NALF1: variants seen among roughly 807,000 people sequenced by gnomAD.
The protein encoded by NALF1 is family with sequence similarity 155 member A.
Under a neutral mutation model 48.4 loss-of-function variants are expected in NALF1, and 3 were observed. The observed-to-expected ratio is 0.06, with a 90% CI of 0.03 to 0.16. NALF1 has a LOEUF of 0.16. NALF1 is among the 10% of genes least tolerant of loss of function. The probability of loss-of-function intolerance (pLI) is 1.00; values close to 1 mark genes in which losing one functional copy is unlikely to be tolerated. For missense variants in NALF1, 526 were observed against 571.5 expected (o/e 0.92, Z 0.81); for synonymous variants, 262 against 245.7 (o/e 1.07, Z -0.62).
chr13:107,599,682 G>A (rs1249341336), intron 1 of NALF1, among the ~76,000 whole-genome samples: 1 of 152,068 alleles, frequency 6.6e-6, no homozygotes, highest in Non-Finnish European at 1.5e-5. Flanking sequence ...ACTATTTTAT[G>A]TTCTCTTGTT....
chr13:107,365,179 AT>A (rs1883133382), intron 1 of NALF1, among the ~76,000 whole-genome samples: 1 of 151,662 alleles, frequency 6.6e-6, no homozygotes, highest in African/African-American at 2.4e-5. Flanking sequence ...ACCAATGTGT[AT>A]GATGATGAAC....
intron 1 of NALF1, among the ~76,000 whole-genome samples, chr13:107,651,069 C>A (rs746717654): frequency 6.6e-6 from 1 of 151,946 alleles, no homozygotes; most frequent in Non-Finnish European, 1.5e-5. Context: ...ACCCTCAAAC[C>A]TTAAACAAAG....
chr13:107,473,792 TC>T (rs763490894), intron 1 of NALF1, among the ~76,000 whole-genome samples: 5 of 152,172 alleles, frequency 3.3e-5, no homozygotes, highest in Non-Finnish European at 5.9e-5. Flanking sequence ...CCCAAATAGT[TC>T]TTCTTATTCT....
intron 1 of NALF1, among the ~76,000 whole-genome samples, chr13:107,759,837 C>A (rs567099891): frequency 1.3e-4 from 19 of 151,944 alleles, no homozygotes; most frequent in African/African-American, 4.6e-4. Context: ...TTATTCTTAC[C>A]AAATGTTGTC....
intron 1 of NALF1, among the ~76,000 whole-genome samples, chr13:107,455,962 TGAA>T (rs1192368810): frequency 1.3e-5 from 2 of 152,164 alleles, no homozygotes; most frequent in African/African-American, 4.8e-5. Flanking sequence ...TGGGCAATTA[TGAA>T]TAAAGTTGCT....
intron 1 of NALF1, among the ~76,000 whole-genome samples, chr13:107,542,452 C>T (rs2139120619): frequency 6.6e-6 from 1 of 152,060 alleles, no homozygotes; most frequent in Admixed American, 6.6e-5. Flanking sequence ...ATATTAAAAC[C>T]CACTGAATTG....
At chr13:107,320,603 A>G (rs1467933206) in intron 1 of NALF1, among the ~76,000 whole-genome samples, 1 of 152,104 alleles carries the variant, frequency 6.6e-6, no homozygotes, top group African/African-American at 2.4e-5. Context: ...TAATCCCTCC[A>G]TTATTACTAT....
At chr13:107,691,582 A>C (rs1422477027) in intron 1 of NALF1, among the ~76,000 whole-genome samples, 1 of 152,218 alleles carries the variant, frequency 6.6e-6, no homozygotes, top group Non-Finnish European at 1.5e-5. Flanking sequence ...GACAGCAACA[A>C]ATTAACAACT....
chr13:107,304,849 T>A (rs74116005), intron 1 of NALF1, among the ~76,000 whole-genome samples: 1,846 of 152,342 alleles, frequency 0.012, 33 homozygotes, highest in African/African-American at 0.042. Flanking sequence ...CTGTTGTTAT[T>A]ATTCTGTGAA....
chr13:107,503,591 C>T (rs1490146450), intron 1 of NALF1, among the ~76,000 whole-genome samples: 1 of 152,140 alleles, frequency 6.6e-6, no homozygotes, highest in Non-Finnish European at 1.5e-5. Flanking sequence ...TGTAATCCCT[C>T]TTCTGGGCAT....
chr13:107,492,040 TTG>T (rs201588060), intron 1 of NALF1, among the ~76,000 whole-genome samples: 1,378 of 78,446 alleles, frequency 0.018, 96 homozygotes, highest in East Asian at 0.047. Context: ...GGGTTTTTTT[TTG>T]TTTTTTTTTT....
intron 1 of NALF1, among the ~76,000 whole-genome samples, chr13:107,483,079 A>G (rs1566360644): frequency 6.6e-6 from 1 of 151,984 alleles, no homozygotes; most frequent in Non-Finnish European, 1.5e-5. Flanking sequence ...CCTCCCAAAT[A>G]CCTTGTGAGC....
chr13:107,385,576 AACAAAG>A (rs1269843547), intron 1 of NALF1, among the ~76,000 whole-genome samples: 4 of 149,712 alleles, frequency 2.7e-5, no homozygotes, highest in African/African-American at 9.9e-5. Context: ...AAAAAAAAAA[AACAAAG>A]AAAAGAAAAA....
intron 1 of NALF1, among the ~76,000 whole-genome samples, chr13:107,576,734 T>C (rs1239358983): frequency 6.6e-6 from 1 of 152,154 alleles, no homozygotes; most frequent in Middle Eastern, 3.2e-3. Flanking sequence ...AAAGAATCAC[T>C]GGCACAATAG....
intron 1 of NALF1, among the ~76,000 whole-genome samples, chr13:107,652,147 T>C (rs1488449904): frequency 6.6e-6 from 1 of 152,180 alleles, no homozygotes; most frequent in African/African-American, 2.4e-5. Context: ...ACTGGGACTT[T>C]GGACAATTCA....
chr13:107,758,476 C>A (rs898406978), intron 1 of NALF1, among the ~76,000 whole-genome samples: 13 of 152,292 alleles, frequency 8.5e-5, no homozygotes, highest in Admixed American at 5.2e-4. Context: ...AATCCCAACA[C>A]TTTGGGAGGC....
At chr13:107,762,662 C>A (rs1451028381) in intron 1 of NALF1, among the ~76,000 whole-genome samples, 1 of 152,050 alleles carries the variant, frequency 6.6e-6, no homozygotes, top group Non-Finnish European at 1.5e-5. Flanking sequence ...ATGGTGGTTG[C>A]ACGGGCTGGA....
chr13:107,237,340 G>A (rs944484771), intron 1 of NALF1, among the ~76,000 whole-genome samples: 20 of 151,992 alleles, frequency 1.3e-4, no homozygotes, highest in African/African-American at 4.8e-4. Context: ...ATGAAGAAAA[G>A]CAAAAAAATC....
intron 1 of NALF1, among the ~76,000 whole-genome samples, chr13:107,343,929 A>T (rs553968624): frequency 9.2e-5 from 14 of 152,130 alleles, no homozygotes; most frequent in African/African-American, 3.4e-4. Flanking sequence ...TTTTTTGAAA[A>T]GATTAACAAA....
Sources: gnomAD v4.1 joint callset for allele counts (sites outside exome capture counted in the v4.1 genomes callset) on GRCh38, gnomAD v4.1.1 for gene constraint, MANE v1.5 for transcripts, NCBI Gene and HGNC (gene_info 2026-07-23, HGNC 2026-07-21) for gene names.